The following GALNT13 variants were observed in gnomAD, a reference collection of about 807,000 sequenced individuals.
GALNT13 encodes UDP-GalNAc:polypeptide N-acetylgalactosaminyltransferase 13.
A neutral mutation model predicts 64.2 loss-of-function variants in GALNT13; 28 were observed. The observed-to-expected ratio is 0.44, with a 90% CI of 0.32 to 0.60. The LOEUF (loss-of-function observed/expected upper bound fraction) is 0.60, where lower values mean the gene tolerates loss of function less well. Among genes scored for constraint, GALNT13 ranks in the 20% least tolerant of loss-of-function variants. The pLI, the probability that GALNT13 is intolerant of heterozygous loss-of-function variation, is 0.05. For missense variants in GALNT13, 577 were observed against 669.8 expected, an observed-to-expected ratio of 0.86 and a Z score of 1.53; for synonymous variants, 214 against 224.6, an observed-to-expected ratio of 0.95 and a Z score of 0.42.
At chr2:153,978,537 G>A (rs1459488824) in intron 3 of GALNT13, among the ~76,000 whole-genome samples, 5 of 152,046 alleles carry the variant, frequency 3.3e-5, no homozygotes, top group Admixed American at 6.6e-5. Flanking sequence ...TGCTATTCTC[G>A]TGATAGTGAA....
At chr2:153,557,707 G>A in the GALNT13 span, among the ~76,000 whole-genome samples, 409 of 152,222 alleles carry the variant, frequency 2.7e-3, 3 homozygotes, top group African/African-American at 9.4e-3. Flanking sequence ...GGCTGTCAAT[G>A]GTTTCAATTG....
At chr2:154,033,591 T>A (rs774158522) in intron 3 of GALNT13, among the ~76,000 whole-genome samples, 1 of 151,924 alleles carries the variant, frequency 6.6e-6, no homozygotes, top group Non-Finnish European at 1.5e-5. Context: ...TGTTAGGAAA[T>A]GGAAATTTAA....
At chr2:153,684,898 C>T in the GALNT13 span, among the ~76,000 whole-genome samples, 34 of 151,770 alleles carry the variant, frequency 2.2e-4, no homozygotes, top group Admixed American at 1.6e-3. Context: ...AGTGTGAACA[C>T]GCAGGATTTG....
the GALNT13 span, among the ~76,000 whole-genome samples, chr2:153,561,723 A>G: frequency 6.6e-6 from 1 of 151,262 alleles, no homozygotes; most frequent in Non-Finnish European, 1.5e-5. Flanking sequence ...ATTGTGAAAT[A>G]CAATTGAAGA....
chr2:154,039,584 G>A (rs1698863594), intron 3 of GALNT13, among the ~76,000 whole-genome samples: 1 of 139,152 alleles, frequency 7.2e-6, no homozygotes, highest in African/African-American at 2.5e-5. Context: ...GAAATAGAGA[G>A]TAGAATTACA....
the GALNT13 span, among the ~76,000 whole-genome samples, chr2:153,520,565 G>T: frequency 6.6e-6 from 1 of 152,104 alleles, no homozygotes; most frequent in Non-Finnish European, 1.5e-5. Context: ...GGTCAGAAAA[G>T]GAGAACTCAT....
rs562598569 is a variant in GALNT13 at position 153,904,233 on chromosome 2, A to G, written c.-105+3226A>G. Among the ~76,000 whole-genome samples the G allele has an allele frequency of 3.9e-5, 6 of 151,984 alleles. 1 individual carries two copies. The South Asian group carries it at 1.2e-3, about 31-fold the overall frequency. On this transcript the variant is annotated intron_variant, in intron 2 of 12. Transcript: ENST00000392825. ...TTTATTCATTGTATTGTTGATGGAC[A>G]TTTGTGCTCTTTCTAGGTTTGGGCC...
upstream of GALNT13, among the ~76,000 whole-genome samples, chr2:153,871,110 T>TA: frequency 6.6e-6 from 1 of 150,496 alleles, no homozygotes; most frequent in East Asian, 1.9e-4. Context: ...TACATGTATT[T>TA]AAACTCAGTA....
chr2:153,275,236 A>C, the GALNT13 span, among the ~76,000 whole-genome samples: 1 of 152,174 alleles, frequency 6.6e-6, no homozygotes, highest in African/African-American at 2.4e-5. Context: ...CATAAATAAT[A>C]ACATAGTCAA....
chr2:153,893,560 A>G (rs1405802419), intron 1 of GALNT13, among the ~76,000 whole-genome samples: 2 of 152,074 alleles, frequency 1.3e-5, no homozygotes, highest in South Asian at 2.1e-4. Context: ...TTATATACAT[A>G]TATAGGCACA....
chr2:153,209,364 G>T, the GALNT13 span, among the ~76,000 whole-genome samples: 1 of 152,026 alleles, frequency 6.6e-6, no homozygotes, highest in African/African-American at 2.4e-5. Context: ...TTAAGGTAAG[G>T]GTAGAGGTTC....
chr2:153,494,296 C>T, the GALNT13 span, among the ~76,000 whole-genome samples: 1 of 151,892 alleles, frequency 6.6e-6, no homozygotes, highest in Non-Finnish European at 1.5e-5. Flanking sequence ...TATCAGATGA[C>T]TCAAAAATGT....
At chr2:153,141,994 A>G in the GALNT13 span, among the ~76,000 whole-genome samples, 2 of 152,210 alleles carry the variant, frequency 1.3e-5, no homozygotes, top group East Asian at 3.9e-4. Context: ...GATGATGGAT[A>G]GTAATAATAA....
chr2:154,065,136 C>A (rs922733615), intron 3 of GALNT13, among the ~76,000 whole-genome samples: 4 of 152,124 alleles, frequency 2.6e-5, no homozygotes, highest in African/African-American at 9.7e-5. Context: ...CAGGGAGAGA[C>A]TACTTTGCTT....
chr2:153,435,832 C>T, the GALNT13 span, among the ~76,000 whole-genome samples: 2 of 151,948 alleles, frequency 1.3e-5, no homozygotes, highest in Non-Finnish European at 2.9e-5. Flanking sequence ...CTTCTCCTGC[C>T]TGATTGCCCT....
chr2:153,143,553 T>A, the GALNT13 span, among the ~76,000 whole-genome samples: 1 of 152,034 alleles, frequency 6.6e-6, no homozygotes, highest in Non-Finnish European at 1.5e-5. Context: ...CTGCATTGAA[T>A]TGAAACCTTG....
chr2:153,739,556 ATTTATTAT>A, the GALNT13 span, among the ~76,000 whole-genome samples: 2 of 87,842 alleles, frequency 2.3e-5, no homozygotes, highest in Non-Finnish European at 5.3e-5. Flanking sequence ...ATTTTTATTT[ATTTATTAT>A]TTTATTTATT....
chr2:153,141,824 A>G, the GALNT13 span, among the ~76,000 whole-genome samples: 1 of 152,170 alleles, frequency 6.6e-6, no homozygotes, highest in Non-Finnish European at 1.5e-5. Flanking sequence ...TCTGTTAATC[A>G]TTAGAACAAC....
the GALNT13 span, among the ~76,000 whole-genome samples, chr2:153,239,768 A>G: frequency 6.6e-6 from 1 of 152,142 alleles, no homozygotes; most frequent in South Asian, 2.1e-4. Context: ...AAACAAAAAT[A>G]TTGGCCTACA....
Sources: allele counts gnomAD v4.1 joint callset (sites outside exome capture counted in the v4.1 genomes callset), GRCh38; gene constraint gnomAD v4.1.1; transcripts MANE v1.5; gene names NCBI Gene and HGNC (gene_info 2026-07-23, HGNC 2026-07-21).